The following BFSP1 variants were observed in gnomAD, a reference collection of about 807,000 sequenced individuals.
The protein encoded by BFSP1 is filensin.
A neutral mutation model predicts 43.9 loss-of-function variants in BFSP1; 38 were observed. The ratio of observed to expected loss-of-function variants is 0.87; its 90% confidence interval spans 0.67 to 1.14. BFSP1 has a LOEUF of 1.14. BFSP1 is among the 50% of genes most tolerant of loss of function. BFSP1 has a pLI of 0.00. For synonymous variants in BFSP1, 352 were observed against 354.8 expected, an observed-to-expected ratio of 0.99 and a Z score of 0.09; for missense variants, 850 against 875.1, an observed-to-expected ratio of 0.97 and a Z score of 0.36.
chr20:17,504,961 A>G (rs2033899267), intron 5 of BFSP1, among the ~76,000 whole-genome samples: 1 of 151,750 alleles, frequency 6.6e-6, no homozygotes, highest in South Asian at 2.1e-4. Context: ...AAAAAAAGGA[A>G]ACTCATTACA....
chr20:17,514,909 C>T lies in BFSP1; in HGVS notation c.439-93G>A. 5.3e-6 allele frequency: 6 copies of T among 1,137,100 alleles called. No homozygotes were observed. The South Asian group carries it at 7.5e-5, about 14-fold the overall frequency. 70.4% of individuals were successfully genotyped at this position (1,137,100 alleles called of 1,614,324 possible). Reference sequence around the variant, plus strand: ...TATGAGCACACAGACCACCTGGGAGCTTACTGAAATGCAGACTCTGGTTCA... The same window carrying T: ...TATGAGCACACAGACCACCTGGGAGTTTACTGAAATGCAGACTCTGGTTCA... On this transcript the variant is annotated intron_variant, in intron 2 of 7. Transcript: ENST00000377873.
Position 17,498,718 on chromosome 20 carries a change from G to A in BFSP1, c.956+102C>T, listed in dbSNP as rs149002970. The A allele has an allele frequency of 9.0e-6, 12 of 1,338,140 alleles. No homozygotes were observed. In the African/African-American group the frequency reaches 1.3e-4, roughly 15 times the overall value. 82.9% of individuals were successfully genotyped at this position (1,338,140 alleles called of 1,614,324 possible). On this transcript the variant is annotated intron_variant, in intron 6 of 7. Transcript: ENST00000377873. ...CAGGAATTGTTCTGTTTCCTTCCCT[G>A]ACACATGCCCACTGCCTATAACTGT... is the stretch of plus-strand genomic sequence containing the variant.
At chr20:17,497,617 C>CAT (rs201544354) in intron 6 of BFSP1, among the ~76,000 whole-genome samples, 61,035 of 143,972 alleles carry the variant, frequency 0.42, 13,044 homozygotes, top group South Asian at 0.55. Context: ...CGTATATATA[C>CAT]ATATACACAC....
chr20:17,520,217 C>G (rs890924192), intron 2 of BFSP1, among the ~76,000 whole-genome samples: 6 of 142,980 alleles, frequency 4.2e-5, no homozygotes, highest in South Asian at 2.4e-4. Flanking sequence ...CGTGCCCCCC[C>G]ACCCCGCCCA....
intron 1 of BFSP1, among the ~76,000 whole-genome samples, chr20:17,541,682 C>T (rs574843000): frequency 1.3e-5 from 2 of 152,314 alleles, no homozygotes; most frequent in African/African-American, 4.8e-5. Flanking sequence ...ACTTCCCAGG[C>T]ATCCTCAATG....
upstream of BFSP1, among the ~76,000 whole-genome samples, chr20:17,562,421 G>A (rs1452511473): frequency 1.3e-5 from 2 of 151,294 alleles, no homozygotes; most frequent in African/African-American, 4.9e-5. Context: ...CAGCTACTCG[G>A]GAGGCTGAGG....
chr20:17,553,644 G>A (rs2034930373), intron 1 of BFSP1, among the ~76,000 whole-genome samples: 1 of 151,664 alleles, frequency 6.6e-6, no homozygotes, highest in African/African-American at 2.4e-5. Flanking sequence ...AGGATAGACA[G>A]TGGAGGCAAG....
intron 1 of BFSP1, among the ~76,000 whole-genome samples, chr20:17,543,113 C>T (rs968923225): frequency 6.6e-6 from 1 of 152,202 alleles, no homozygotes; most frequent in Non-Finnish European, 1.5e-5. Flanking sequence ...AACTCCTCTA[C>T]TGAAACAAAA....
intron 6 of BFSP1, among the ~76,000 whole-genome samples, chr20:17,497,552 ATG>A (rs2033672355): frequency 1.9e-5 from 1 of 53,630 alleles, no homozygotes; most frequent in Non-Finnish European, 3.2e-5. Context: ...GTGTGTATAT[ATG>A]TATATGTGTG....
At chr20:17,564,254 C>A (rs940705207) in intron 1 of BFSP1, among the ~76,000 whole-genome samples, 1 of 151,658 alleles carries the variant, frequency 6.6e-6, no homozygotes, top group Non-Finnish European at 1.5e-5. Flanking sequence ...GTGGTCCCAG[C>A]TACTCAAGAG....
At chr20:17,505,567 G>A (rs2033916500) in intron 5 of BFSP1, among the ~76,000 whole-genome samples, 1 of 152,086 alleles carries the variant, frequency 6.6e-6, no homozygotes, top group African/African-American at 2.4e-5. Context: ...GCCCGGCGGT[G>A]TGCGGCCACA....
rs530492550 is a variant in BFSP1, at chr20:17,553,495, A to G, written c.2+5193T>C. Among the ~76,000 whole-genome samples the G allele has an allele frequency of 7.2e-5, 11 of 152,232 alleles. No homozygotes were observed. The South Asian group carries it at 1.2e-3, about 17-fold the overall frequency. ...GTGACATTCGAAAAATTCATTGGCA[A>G]TTCAGTGATGAAGAAAACAAAGTAC... On this transcript the variant is annotated intron_variant, in intron 1 of 7. Transcript: ENST00000377868.
At chr20:17,530,271 T>C (rs1416797603) in intron 1 of BFSP1, among the ~76,000 whole-genome samples, 1 of 152,240 alleles carries the variant, frequency 6.6e-6, no homozygotes, top group Non-Finnish European at 1.5e-5. Flanking sequence ...AGACTTAGCA[T>C]GCCCAGGACC....
Position 17,494,465 on chromosome 20 carries a change from G to C in BFSP1, c.1607C>G (p.Pro536Arg). 2 of 1,614,190 alleles carry C rather than the reference G, an allele frequency of 1.2e-6. No individual in the cohort carries two copies. The highest frequency in any genetic ancestry group is 2.2e-5 in the East Asian group (1 of 44,880). ...VGLQEKEDGQPIDQQPIDKEI... is the reference protein window; with the variant it reads ...VGLQEKEDGQRIDQQPIDKEI... Reference sequence around the variant, plus strand: ...CTTGTCTATAGGCTGCTGGTCAATTGGTTGTCCATCTTCTTTCTCCTGCAG... The same window carrying C: ...CTTGTCTATAGGCTGCTGGTCAATTCGTTGTCCATCTTCTTTCTCCTGCAG... The change falls in exon 8 of 8, where the codon CCA (proline) becomes CGA (arginine). Residue 536 changes from proline (P) to arginine (R), a missense_variant. By Grantham distance (103) the Pro-to-Arg change is moderately radical (BLOSUM62 -2). Transcript: ENST00000377873.
upstream of BFSP1, among the ~76,000 whole-genome samples, chr20:17,562,468 A>G (rs2035075535): frequency 6.9e-6 from 1 of 144,612 alleles, no homozygotes; most frequent in South Asian, 2.3e-4. Context: ...TGGAGGTTGC[A>G]GTGAGCCAAG....
At chr20:17,537,568 CAAAAAAA>C (rs901895418) in intron 1 of BFSP1, among the ~76,000 whole-genome samples, 1 of 63,826 alleles carries the variant, frequency 1.6e-5, no homozygotes, top group Non-Finnish European at 3.2e-5. Flanking sequence ...ACTGAAGCAC[CAAAAAAA>C]AAAAAAAAAA....
chr20:17,497,483 TG>T, intron 6 of BFSP1, among the ~76,000 whole-genome samples: 1 of 134,930 alleles, frequency 7.4e-6, no homozygotes, highest in East Asian at 2.4e-4. Flanking sequence ...TATATATACG[TG>T]TGTATATATA....
At chr20:17,500,351 T>C (rs941598182) in intron 5 of BFSP1, among the ~76,000 whole-genome samples, 1 of 152,230 alleles carries the variant, frequency 6.6e-6, no homozygotes, top group Non-Finnish European at 1.5e-5. Flanking sequence ...ATAACAGTAC[T>C]GCAGTCAACA....
intron 1 of BFSP1, among the ~76,000 whole-genome samples, chr20:17,564,338 G>GTTGTACT (rs984273788): frequency 3.4e-5 from 5 of 145,548 alleles, no homozygotes; most frequent in Admixed American, 7.1e-5. Flanking sequence ...CTGCACTCCA[G>GTTGTACT]CCTGGGTGAG....
Sources: allele counts gnomAD v4.1 joint callset (sites outside exome capture counted in the v4.1 genomes callset), GRCh38; gene constraint gnomAD v4.1.1; transcripts MANE v1.5; gene names NCBI Gene and HGNC (gene_info 2026-07-23, HGNC 2026-07-21).